CAMTA1: variants seen among roughly 807,000 people sequenced by gnomAD.
The protein encoded by CAMTA1 is calmodulin binding transcription activator 1.
CAMTA1 carries 27 observed loss-of-function variants against 170.9 expected under a neutral mutation model. The observed-to-expected ratio is 0.16, with a 90% confidence interval of 0.12 to 0.22. The LOEUF (loss-of-function observed/expected upper bound fraction) is 0.22. CAMTA1 is among the 10% of genes least tolerant of loss of function. CAMTA1 has a pLI of 1.00. For missense variants in CAMTA1, 1,619 were observed against 2,217.2 expected, an observed-to-expected ratio of 0.73 and a Z score of 5.42; for synonymous variants, 833 against 891.5, an observed-to-expected ratio of 0.93 and a Z score of 1.17.
chr1:7,699,142 T>C (rs1337670511), intron 11 of CAMTA1, among the ~76,000 whole-genome samples: 1 of 152,224 alleles, frequency 6.6e-6, no homozygotes, highest in African/African-American at 2.4e-5. Flanking sequence ...TAACATACCA[T>C]ACAATTTACC....
At chr1:6,893,096 A>G (rs923370833) in intron 3 of CAMTA1, among the ~76,000 whole-genome samples, 16 of 152,030 alleles carry the variant, frequency 1.1e-4, no homozygotes, top group African/African-American at 3.9e-4. Context: ...CCTGGCCAAC[A>G]TGGTGAAGCC....
chr1:7,458,390 C>T (rs1447410085), intron 5 of CAMTA1, among the ~76,000 whole-genome samples: 2 of 152,180 alleles, frequency 1.3e-5, no homozygotes, highest in African/African-American at 2.4e-5. Context: ...ACTACTCTTC[C>T]TTCCAGGAGG....
chr1:6,968,166 G>A (rs1691892128), intron 3 of CAMTA1, among the ~76,000 whole-genome samples: 1 of 152,176 alleles, frequency 6.6e-6, no homozygotes, highest in African/African-American at 2.4e-5. Flanking sequence ...GCACCCTCAG[G>A]AGCAGTCGGC....
intron 5 of CAMTA1, among the ~76,000 whole-genome samples, chr1:7,462,276 T>C (rs1962545): frequency 0.51 from 76,900 of 151,874 alleles, 20,253 homozygotes; most frequent in Middle Eastern, 0.63. Context: ...TTTTATTTTT[T>C]ATTTTTTGAG....
chr1:6,787,748 C>T (rs535294463), intron 1 of CAMTA1, among the ~76,000 whole-genome samples: 6 of 152,202 alleles, frequency 3.9e-5, no homozygotes, highest in Non-Finnish European at 8.8e-5. Context: ...TCACCAAGTC[C>T]CTGAATGTGC....
intron 6 of CAMTA1, among the ~76,000 whole-genome samples, chr1:7,538,866 A>G (rs1575881649): frequency 6.6e-6 from 1 of 152,138 alleles, no homozygotes; most frequent in African/African-American, 2.4e-5. Context: ...CTACTTTGAC[A>G]CTGGAGGAGC....
intron 5 of CAMTA1, among the ~76,000 whole-genome samples, chr1:7,348,228 T>C (rs1429022892): frequency 1.3e-5 from 2 of 152,214 alleles, no homozygotes; most frequent in Non-Finnish European, 2.9e-5. Context: ...ACGCCTTGCC[T>C]CAATTCCTCC....
intron 1 of CAMTA1, among the ~76,000 whole-genome samples, chr1:6,792,038 C>T (rs1569872245): frequency 6.6e-6 from 1 of 151,962 alleles, no homozygotes; most frequent in East Asian, 1.9e-4. Context: ...CCTGCAACCT[C>T]CGCCTTCCAG....
At chr1:7,198,101 C>T (rs772683976) in intron 4 of CAMTA1, among the ~76,000 whole-genome samples, 1 of 152,182 alleles carries the variant, frequency 6.6e-6, no homozygotes, top group Non-Finnish European at 1.5e-5. Flanking sequence ...CCTGCTAGAA[C>T]TTACTGATAG....
intron 6 of CAMTA1, among the ~76,000 whole-genome samples, chr1:7,558,715 C>T (rs575228280): frequency 1.6e-4 from 24 of 152,298 alleles, no homozygotes; most frequent in South Asian, 2.1e-4. Flanking sequence ...CAGGGGCTTC[C>T]GCCACCCCCT....
chr1:6,973,590 A>G (rs1464011014), intron 3 of CAMTA1, among the ~76,000 whole-genome samples: 1 of 152,242 alleles, frequency 6.6e-6, no homozygotes, highest in Middle Eastern at 3.4e-3. Context: ...TGGGCACGGG[A>G]GTGCTAATAT....
chr1:7,288,791 C>T (rs1672699102), intron 5 of CAMTA1, among the ~76,000 whole-genome samples: 1 of 152,174 alleles, frequency 6.6e-6, no homozygotes, highest in Non-Finnish European at 1.5e-5. Context: ...TGGCTGCAGC[C>T]AGCACAGGCG....
At chr1:7,485,266 A>C (rs2093602920) in intron 6 of CAMTA1, among the ~76,000 whole-genome samples, 1 of 151,944 alleles carries the variant, frequency 6.6e-6, no homozygotes, top group South Asian at 2.1e-4. Flanking sequence ...CCATGTCTCC[A>C]TCGTGCCTCG....
intron 5 of CAMTA1, among the ~76,000 whole-genome samples, chr1:7,366,043 TCTC>T (rs1188299625): frequency 1.3e-5 from 2 of 152,180 alleles, no homozygotes; most frequent in African/African-American, 4.8e-5. Flanking sequence ...CTTGCTCCTT[TCTC>T]CTCCTCTGGG....
At chr1:7,559,181 G>C (rs766919528) in intron 6 of CAMTA1, among the ~76,000 whole-genome samples, 3 of 152,206 alleles carry the variant, frequency 2.0e-5, no homozygotes, top group Admixed American at 2.0e-4. Context: ...CACCCGCCAA[G>C]AGGGGCCCGA....
intron 11 of CAMTA1, among the ~76,000 whole-genome samples, chr1:7,697,749 G>A (rs1445406992): frequency 4.6e-5 from 7 of 152,124 alleles, no homozygotes; most frequent in African/African-American, 1.7e-4. Flanking sequence ...TTGGGCTGAT[G>A]GCTAATGCAT....
chr1:7,108,915 T>A (rs1038769396), intron 4 of CAMTA1, among the ~76,000 whole-genome samples: 2 of 152,158 alleles, frequency 1.3e-5, no homozygotes, highest in African/African-American at 4.8e-5. Flanking sequence ...GCAGCCTCAG[T>A]TGAACACTCG....
At chr1:7,031,749 G>A (rs1702838177) in intron 3 of CAMTA1, among the ~76,000 whole-genome samples, 1 of 152,062 alleles carries the variant, frequency 6.6e-6, no homozygotes, top group African/African-American at 2.4e-5. Context: ...CACTGTGTTA[G>A]CCAGGATGGT....
intron 7 of CAMTA1, among the ~76,000 whole-genome samples, chr1:7,651,153 C>T (rs1222036706): frequency 2.0e-5 from 3 of 152,142 alleles, no homozygotes; most frequent in Non-Finnish European, 4.4e-5. Flanking sequence ...TTGTTGGCTC[C>T]CAAGGTGACC....
Sources: gnomAD v4.1 joint callset for allele counts (sites outside exome capture counted in the v4.1 genomes callset) on GRCh38, gnomAD v4.1.1 for gene constraint, MANE v1.5 for transcripts, NCBI Gene and HGNC (gene_info 2026-07-23, HGNC 2026-07-21) for gene names.